ADAM22: variants seen among roughly 807,000 people sequenced by gnomAD.
ADAM22 encodes disintegrin and metalloproteinase domain-containing protein 22.
Under a neutral mutation model 144.6 loss-of-function variants are expected in ADAM22, and 65 were observed. That is an observed-to-expected ratio of 0.45 (90% CI 0.37 to 0.55). The LOEUF (loss-of-function observed/expected upper bound fraction) is 0.55, where lower values mean the gene tolerates loss of function less well. Ranked by LOEUF, ADAM22 falls within the 20% of genes least tolerant of loss-of-function variation. ADAM22 has a pLI of 0.00. For missense variants in ADAM22, 974 were observed against 1,184.9 expected, an observed-to-expected ratio of 0.82 and a Z score of 2.61; for synonymous variants, 391 against 412.6, an observed-to-expected ratio of 0.95 and a Z score of 0.63.
At chr7:88,194,030 A>G (rs1002255353) in intron 31 of ADAM22, among the ~76,000 whole-genome samples, 2 of 152,206 alleles carry the variant, frequency 1.3e-5, no homozygotes, top group African/African-American at 4.8e-5. Context: ...GAAATGGTAA[A>G]AGATAACAAG....
intron 26 of ADAM22, among the ~76,000 whole-genome samples, chr7:88,178,256 G>A (rs17150324): frequency 0.14 from 20,948 of 152,012 alleles, 2,052 homozygotes; most frequent in East Asian, 0.48. Context: ...TATAGTTTCA[G>A]CAAAAATTCA....
intron 5 of ADAM22, among the ~76,000 whole-genome samples, chr7:88,108,737 T>G (rs1015733841): frequency 4.0e-5 from 6 of 148,640 alleles, no homozygotes; most frequent in African/African-American, 7.5e-5. Context: ...TCAAAAAAAA[T>G]AAAGAAAGAA....
intron 9 of ADAM22, among the ~76,000 whole-genome samples, chr7:88,129,229 G>C (rs905078408): frequency 2.0e-5 from 3 of 151,954 alleles, no homozygotes; most frequent in African/African-American, 7.2e-5. Context: ...TTTATATTCA[G>C]TTAATGGGCA....
At chr7:88,013,985 A>G (rs1270392200) in intron 3 of ADAM22, among the ~76,000 whole-genome samples, 2 of 152,174 alleles carry the variant, frequency 1.3e-5, no homozygotes, top group Non-Finnish European at 2.9e-5. Context: ...CCCTTTTAAA[A>G]TCTTAAATAC....
At position 88,135,975 on chromosome 7, in the gene ADAM22, C is replaced by T; in HGVS notation, c.1169-5C>T. ...AACAAGGCATGTGTATTAATTTTCT[C>T]TTAGGTGAATGTAAATGCGAGGACA... On this transcript the variant is annotated splice_polypyrimidine_tract_variant and splice_region_variant and intron_variant, in intron 13 of 31. Transcript: ENST00000413139. 6.2e-7 allele frequency: 1 copy of T among 1,608,576 alleles called. No homozygotes were observed. The highest frequency in any genetic ancestry group is 1.1e-5 in the South Asian group (1 of 89,658).
chr7:87,938,842 G>A (rs1468115654), intron 2 of ADAM22, among the ~76,000 whole-genome samples: 1 of 151,816 alleles, frequency 6.6e-6, no homozygotes, highest in Non-Finnish European at 1.5e-5. Context: ...GTAGAGACAG[G>A]GTTTCACCAT....
intron 19 of ADAM22, 75 bp downstream of exon 19, chr7:88,151,106 G>T: frequency 6.5e-7 from 1 of 1,541,076 alleles, no homozygotes; most frequent in Non-Finnish European, 9.0e-7. Flanking sequence ...TATCAAAATA[G>T]GAAGATCAAT....
chr7:88,075,778 C>T (rs1393873757), intron 4 of ADAM22, 86 bp downstream of exon 4: 3 of 1,039,908 alleles, frequency 2.9e-6, no homozygotes, highest in African/African-American at 1.6e-5. Flanking sequence ...AATGATATTT[C>T]TAATGTACAG....
intron 3 of ADAM22, among the ~76,000 whole-genome samples, chr7:88,069,168 TA>T (rs1812081800): frequency 6.6e-6 from 1 of 151,670 alleles, no homozygotes; most frequent in Middle Eastern, 3.2e-3. Flanking sequence ...TCCCTCTCCC[TA>T]CCTCTTTCCC....
chr7:88,007,924 C>A (rs925084857), intron 3 of ADAM22, among the ~76,000 whole-genome samples: 2 of 152,174 alleles, frequency 1.3e-5, no homozygotes, highest in African/African-American at 4.8e-5. Flanking sequence ...TAAAGAGCTT[C>A]TGCACAGCAA....
At chr7:88,163,721 A>G (rs1408982448) in intron 23 of ADAM22, among the ~76,000 whole-genome samples, 2 of 152,134 alleles carry the variant, frequency 1.3e-5, no homozygotes, top group South Asian at 2.1e-4. Context: ...TTTTAATTCT[A>G]TTCTTTAAGT....
In ADAM22 at chr7:88,130,444, G is replaced by T. The variant is rs779226740; in HGVS notation, c.810G>T (p.Val270=). The change falls in exon 10 of 32, where the codon GTG becomes GTT. Residue 270 remains valine (V), a synonymous_variant. Transcript: ENST00000413139. ...VHTNTYAKSV[V]NMADLIYKDQ... ...CCAATACCTATGCGAAATCTGTGGT[G>T]AACATGGCAGATTTAGTAAGTATCA... is the stretch of plus-strand genomic sequence containing the variant. The T allele has an allele frequency of 6.2e-7, 1 of 1,612,976 alleles. No individual in the cohort carries two copies. Among genetic ancestry groups the T allele is most frequent in the Non-Finnish European group, 8.5e-7 (1 of 1,179,248 alleles).
At chr7:87,976,464 A>G (rs1245411820) in intron 2 of ADAM22, among the ~76,000 whole-genome samples, 1 of 152,206 alleles carries the variant, frequency 6.6e-6, no homozygotes. Context: ...CAGGCCAAGG[A>G]GACAGGCCTC....
rs560328846 is a variant in ADAM22, at chr7:88,107,510, A to T, written c.391-666A>T. On this transcript the variant is annotated intron_variant, in intron 4 of 31. Coordinates refer to ENST00000413139, the MANE Select transcript of ADAM22 (RefSeq NM_001324418.2). Reference sequence around the variant, plus strand: ...GCCACTGCACCTGGCCCATGGTTGAATTTCTTATAACTAGGAAAGCAGATG... The same window carrying T: ...GCCACTGCACCTGGCCCATGGTTGATTTTCTTATAACTAGGAAAGCAGATG... Among the ~76,000 whole-genome samples the T allele has an allele frequency of 3.9e-5, 6 of 152,102 alleles. No homozygotes were observed. In the East Asian group the frequency reaches 1.2e-3, roughly 29 times the overall value.
chr7:88,126,342 G>A (rs1371742624), intron 8 of ADAM22, among the ~76,000 whole-genome samples: 4 of 152,046 alleles, frequency 2.6e-5, no homozygotes, highest in Non-Finnish European at 5.9e-5. Context: ...CACTGTGGTG[G>A]TGTGGGCAGG....
intron 2 of ADAM22, among the ~76,000 whole-genome samples, chr7:87,959,218 A>C (rs1350207083): frequency 6.6e-6 from 1 of 152,206 alleles, no homozygotes; most frequent in Non-Finnish European, 1.5e-5. Context: ...TGAACTTGGC[A>C]AACACTTAAC....
intron 3 of ADAM22, among the ~76,000 whole-genome samples, chr7:88,008,372 C>G (rs1584980487): frequency 1.0e-4 from 15 of 149,740 alleles, no homozygotes; most frequent in Admixed American, 1.0e-3. Context: ...ACTAGAAATA[C>G]CATTTGACCC....
intron 2 of ADAM22, among the ~76,000 whole-genome samples, chr7:87,961,581 A>G (rs1358807726): frequency 6.6e-6 from 1 of 152,186 alleles, no homozygotes; most frequent in Non-Finnish European, 1.5e-5. Flanking sequence ...TAGTACAAGC[A>G]TGGTTATGAA....
intron 2 of ADAM22, among the ~76,000 whole-genome samples, chr7:87,977,407 A>T (rs1013423220): frequency 6.6e-6 from 1 of 152,196 alleles, no homozygotes; most frequent in African/African-American, 2.4e-5. Flanking sequence ...TACTATGTGC[A>T]GTTGCTCATG....
Sources: gnomAD v4.1 joint callset for allele counts (sites outside exome capture counted in the v4.1 genomes callset) on GRCh38, gnomAD v4.1.1 for gene constraint, MANE v1.5 for transcripts, NCBI Gene and HGNC (gene_info 2026-07-23, HGNC 2026-07-21) for gene names.